TMEM144: variants seen among roughly 807,000 people sequenced by gnomAD.
TMEM144 encodes transmembrane protein 144.
TMEM144 carries 39 observed loss-of-function variants against 43.6 expected under a neutral mutation model. The ratio of observed to expected loss-of-function variants is 0.90; its 90% confidence interval spans 0.69 to 1.17. TMEM144 has a LOEUF of 1.17. Ranked by LOEUF, TMEM144 falls within the 50% of genes most tolerant of loss-of-function variation. The probability of loss-of-function intolerance (pLI) is 0.00; values close to 1 mark genes in which losing one functional copy is unlikely to be tolerated. For missense variants in TMEM144, 417 were observed against 411.9 expected (o/e 1.01, Z -0.11); for synonymous variants, 154 against 133.6 (o/e 1.15, Z -1.06).
At chr4:158,243,029 A>G (rs1735705310) in intron 11 of TMEM144, among the ~76,000 whole-genome samples, 1 of 152,224 alleles carries the variant, frequency 6.6e-6, no homozygotes. Flanking sequence ...TCATATTTAG[A>G]AAACAATCAG....
At chr4:158,218,357 G>T (rs1036273295) in intron 5 of TMEM144, among the ~76,000 whole-genome samples, 2 of 152,074 alleles carry the variant, frequency 1.3e-5, no homozygotes, top group East Asian at 3.9e-4. Flanking sequence ...AAAATGAGTG[G>T]AATGTGGGGT....
At chr4:158,232,299 A>C (rs1425357702) in intron 6 of TMEM144, among the ~76,000 whole-genome samples, 1 of 152,248 alleles carries the variant, frequency 6.6e-6, no homozygotes, top group Non-Finnish European at 1.5e-5. Context: ...TTCCCATATC[A>C]GAGCATAGAG....
chr4:158,250,267 A>G (rs1308356743), intron 12 of TMEM144, among the ~76,000 whole-genome samples: 2 of 150,150 alleles, frequency 1.3e-5, no homozygotes, highest in African/African-American at 2.4e-5. Flanking sequence ...ACGAACTAAT[A>G]ATACAAAAGA....
intron 8 of TMEM144, chr4:158,237,260 C>A: frequency 3.0e-6 from 1 of 334,436 alleles, no homozygotes; most frequent in Non-Finnish European, 5.4e-6. Context: ...GTAATGACAA[C>A]ATAATTATAA....
rs997173873 is a variant in TMEM144, at chr4:158,253,582, A to T, written c.*55A>T. 16 of 1,411,648 alleles carry T rather than the reference A, an allele frequency of 1.1e-5. No homozygotes were observed. The African/African-American group carries it at 1.3e-4, about 11-fold the overall frequency. The allele number at this position is 1,411,648 out of a possible 1,614,324, so 87.4% of individuals were successfully genotyped here. On this transcript the variant is annotated 3_prime_UTR_variant, in exon 13 of 13. Transcript: ENST00000296529. ...AGTTAAGAGAACGCGTCTATCGGAC[A>T]GCGGAGAGATCATGCTGAGAAAAGA...
intron 12 of TMEM144, among the ~76,000 whole-genome samples, chr4:158,249,195 G>A (rs1455102972): frequency 2.6e-5 from 4 of 152,154 alleles, no homozygotes; most frequent in Non-Finnish European, 5.9e-5. Flanking sequence ...GTGAGCCACC[G>A]TGCCCGGCCC....
intron 12 of TMEM144, among the ~76,000 whole-genome samples, chr4:158,244,705 G>A (rs1735802483): frequency 6.6e-6 from 1 of 152,104 alleles, no homozygotes; most frequent in South Asian, 2.1e-4. Flanking sequence ...ATTCAGGTGA[G>A]TAAAGTATTT....
chr4:158,220,613 C>T (rs1266035975), intron 6 of TMEM144, among the ~76,000 whole-genome samples: 1 of 152,178 alleles, frequency 6.6e-6, no homozygotes, highest in Non-Finnish European at 1.5e-5. Flanking sequence ...ATAATAATAG[C>T]ACCAACCTCA....
At chr4:158,221,284 C>T (rs1227019296) in intron 6 of TMEM144, among the ~76,000 whole-genome samples, 1 of 152,176 alleles carries the variant, frequency 6.6e-6, no homozygotes, top group Admixed American at 6.5e-5. Context: ...CTGAAGCCCA[C>T]ACAATACTGC....
Position 158,253,476 on chromosome 4 carries a change from A to G in TMEM144, c.987A>G (p.Ala329=), listed in dbSNP as rs750248450. 87 of 1,613,648 alleles carry G rather than the reference A, an allele frequency of 5.4e-5. 3 individuals carry two copies. In the South Asian group the frequency reaches 9.1e-4, roughly 17 times the overall value. The change falls in exon 13 of 13, where the codon GCA becomes GCG. Residue 329 remains alanine, a synonymous_variant. Transcript: ENST00000296529. The stretch of plus-strand genomic sequence containing the variant: ...AAAACTACCTATTAATGATACTTGC[A>G]TTTTGCATCATCTTGACTGGAGCCT... The part of the protein sequence containing the change: ...GLQNYLLMIL[A]FCIILTGALC...
intron 6 of TMEM144, among the ~76,000 whole-genome samples, chr4:158,224,749 G>A (rs1438406366): frequency 5.9e-5 from 9 of 152,244 alleles, no homozygotes; most frequent in African/African-American, 1.2e-4. Context: ...TCGGCCATGC[G>A]TGGACCAGTC....
intron 12 of TMEM144, among the ~76,000 whole-genome samples, chr4:158,246,173 T>C (rs1206461392): frequency 6.6e-6 from 1 of 152,198 alleles, no homozygotes; most frequent in Non-Finnish European, 1.5e-5. Context: ...CCAGTTACCT[T>C]TACTTGTAGA....
chr4:158,241,402 G>T (rs1735629866), intron 10 of TMEM144, 107 bp from the exon 11 acceptor site: 2 of 829,984 alleles, frequency 2.4e-6, no homozygotes, highest in African/African-American at 1.7e-5. Flanking sequence ...CAACAACATT[G>T]ATTAGAATGC....
chr4:158,246,566 C>G (rs982221871), intron 12 of TMEM144, among the ~76,000 whole-genome samples: 7 of 151,928 alleles, frequency 4.6e-5, no homozygotes, highest in Non-Finnish European at 8.8e-5. Flanking sequence ...TTTAAATACA[C>G]AAGAACAACT....
chr4:158,211,617 A>C (rs1733963934), intron 2 of TMEM144, 43 bp downstream of exon 2: 1 of 152,226 alleles, frequency 6.6e-6, no homozygotes, highest in Admixed American at 6.5e-5. Flanking sequence ...GCCTAACAGT[A>C]GAATAATAAT....
At chr4:158,244,412 C>A in intron 12 of TMEM144, 63 bp downstream of exon 12, 3 of 1,404,366 alleles carry the variant, frequency 2.1e-6, no homozygotes, top group Middle Eastern at 1.8e-4. Flanking sequence ...TGGTGGCTCA[C>A]GCTTGTCCTG....
Position 158,227,126 on chromosome 4 carries a change from C to CTT in TMEM144, c.414-5762_414-5761dup, listed in dbSNP as rs34561388. ...ATTAATTTAGAATTGGTATAGATGG[C>CTT]TTTTTTTTTTTTTTCCTAACGGAAT... On this transcript the variant is annotated intron_variant, in intron 6 of 12. Transcript: ENST00000296529. Among the ~76,000 whole-genome samples the CTT allele has an allele frequency of 9.4e-3, 1,324 of 141,220 alleles. 14 individuals are homozygous for CTT. The highest frequency in any genetic ancestry group is 0.028 in the African/African-American group (1,103 of 38,828). The allele number at this position is 141,220 out of a possible 152,430, so 92.6% of individuals were successfully genotyped here.
intron 6 of TMEM144, among the ~76,000 whole-genome samples, chr4:158,224,740 C>T (rs1734676737): frequency 6.6e-6 from 1 of 152,132 alleles, no homozygotes; most frequent in Non-Finnish European, 1.5e-5. Context: ...CCTCATGCTT[C>T]GGCCATGCGT....
chr4:158,219,498 C>G, intron 6 of TMEM144, 108 bp downstream of exon 6: 1 of 1,061,818 alleles, frequency 9.4e-7, no homozygotes, highest in Non-Finnish European at 1.4e-6. Flanking sequence ...GTAAAATCCA[C>G]ATGCTTGTTC....
Sources: gnomAD v4.1 joint callset for allele counts (sites outside exome capture counted in the v4.1 genomes callset) on GRCh38, gnomAD v4.1.1 for gene constraint, MANE v1.5 for transcripts, NCBI Gene and HGNC (gene_info 2026-07-23, HGNC 2026-07-21) for gene names.